ZNF276: variants seen among roughly 807,000 people sequenced by gnomAD.
The protein encoded by ZNF276 is centromere protein Z.
A neutral mutation model predicts 63.9 loss-of-function variants in ZNF276; 59 were observed. The ratio of observed to expected loss-of-function variants is 0.92; its 90% CI spans 0.75 to 1.15. ZNF276 has a LOEUF of 1.15. Among genes scored for constraint, ZNF276 ranks in the 50% most tolerant of loss-of-function variants. The pLI, the probability that ZNF276 is intolerant of heterozygous loss-of-function variation, is 0.00. For synonymous variants in ZNF276, 496 were observed against 348.4 expected (o/e 1.42, Z -4.72); for missense variants, 1,084 against 843.8 (o/e 1.28, Z -3.53).
Position 89,740,772 on chromosome 16 carries a change from G to C in ZNF276, c.*2526G>C, listed in dbSNP as rs1174283529. 6.2e-7 allele frequency: 1 copy of C among 1,602,500 alleles called. No individual in the cohort carries two copies. The highest frequency in any genetic ancestry group is 8.5e-7 in the Non-Finnish European group (1 of 1,170,726). ...TGCCCCTGCCTGGCCCACAGTGGGA[G>C]AGGACACCTTGGCTGGTAAGGTCTG... On this transcript the variant is annotated 3_prime_UTR_variant, in exon 11 of 11. Coordinates refer to ENST00000443381, the MANE Select transcript of ZNF276 (RefSeq NM_001113525.2).
rs199868546 is a variant in ZNF276, at chr16:89,733,948, G to A, written c.1384G>A (p.Val462Ile). The A allele has an allele frequency of 3.7e-6, 6 of 1,613,964 alleles. No individual in the cohort carries two copies. The African/African-American group carries it at 8.0e-5, about 22-fold the overall frequency. ...GCACATCAAGGAGCACCACGAGGAG[G>A]TCCGGGAGCGGCCCTGCCCCCACCC... is the stretch of plus-strand genomic sequence containing the variant. Reference protein sequence around the residue: ...KKHIKEHHEEVRERPCPHPGC... With the variant: ...KKHIKEHHEEIRERPCPHPGC... Residue 462 changes from valine (V) to isoleucine (I), a missense_variant, in exon 9 of 11, where the codon GTC becomes ATC. Val to Ile is a conservative substitution (Grantham distance 29, BLOSUM62 3). Coordinates refer to ENST00000443381, the MANE Select transcript of ZNF276 (RefSeq NM_001113525.2).
chr16:89,720,585 C>T, upstream of ZNF276: 1 of 1,220,282 alleles, frequency 8.2e-7, no homozygotes, highest in South Asian at 3.3e-5. Flanking sequence ...TGTCCAAGGT[C>T]ACTGCACGCC....
At chr16:89,735,776 G>A (rs559436874) in intron 9 of ZNF276, among the ~76,000 whole-genome samples, 27 of 152,052 alleles carry the variant, frequency 1.8e-4, no homozygotes, top group Non-Finnish European at 3.5e-4. Flanking sequence ...GTGCAGTGGC[G>A]CGATCTTGGC....
rs760732305 is a variant in ZNF276 at position 89,738,522 on chromosome 16, A to G, written c.*276A>G. On this transcript the variant is annotated 3_prime_UTR_variant, in exon 11 of 11. Coordinates refer to ENST00000443381, the MANE Select transcript of ZNF276 (RefSeq NM_001113525.2). ...CGAGGAGATTTGTAATCCACTTTTT[A>G]GTGCAACAAGAGCTCCATGTTATGC... is the stretch of plus-strand genomic sequence containing the variant. The G allele has an allele frequency of 1.1e-5, 17 of 1,597,942 alleles. No individual in the cohort carries two copies. The South Asian group carries it at 1.9e-4, about 18-fold the overall frequency.
chr16:89,740,328 T>C lies in ZNF276; in HGVS notation c.*2082T>C. 1 of 565,886 alleles carries C rather than the reference T, an allele frequency of 1.8e-6. No homozygotes were observed. The highest frequency in any genetic ancestry group is 3.2e-6 in the Non-Finnish European group (1 of 316,060). The allele number at this position is 565,886 out of a possible 1,614,324, so 35.1% of individuals were successfully genotyped here. The stretch of plus-strand genomic sequence containing the variant: ...ACACCAAGGCTGCTGCACCACGTCC[T>C]CAAATAAGACATTAAAAGAAAGGCC... On this transcript the variant is annotated 3_prime_UTR_variant, in exon 11 of 11. Transcript: ENST00000443381.
chr16:89,721,613 C>T lies in ZNF276; in HGVS notation c.-28C>T. On this transcript the variant is annotated 5_prime_UTR_variant, in exon 1 of 11. Coordinates refer to ENST00000443381, the MANE Select transcript of ZNF276 (RefSeq NM_001113525.2). ...GGAACCTCGGGCCGGGCAGCACCCG[C>T]GGGATTCTGCTGGCGTCCTCCGCTG... 1 of 1,473,676 alleles carries T rather than the reference C, an allele frequency of 6.8e-7. No homozygotes were observed. The highest frequency in any genetic ancestry group is 8.9e-7 in the Non-Finnish European group (1 of 1,117,792). 91.3% of individuals were successfully genotyped at this position (1,473,676 alleles called of 1,614,324 possible). A position where few individuals can be genotyped will look rare whatever the true frequency, so the allele number is the denominator to read the frequency against.
At position 89,739,092 on chromosome 16, in the gene ZNF276, G is replaced by T. The variant is rs769505201; in HGVS notation, c.*846G>T. The T allele has an allele frequency of 1.1e-5, 17 of 1,613,732 alleles. No homozygotes were observed. In the Admixed American group the frequency reaches 2.0e-4, roughly 19 times the overall value. ...CTTTGGCAGAAGGAGCCTCCGGCTG[G>T]GGGGAGCTCCCCTGGAGGTGGGACT... On this transcript the variant is annotated 3_prime_UTR_variant, in exon 11 of 11. Coordinates refer to ENST00000443381, the MANE Select transcript of ZNF276 (RefSeq NM_001113525.2).
At chr16:89,735,453 G>C (rs901363059) in intron 9 of ZNF276, among the ~76,000 whole-genome samples, 1 of 152,078 alleles carries the variant, frequency 6.6e-6, no homozygotes, top group African/African-American at 2.4e-5. Flanking sequence ...GTCATCTCCC[G>C]ACATGCGGGT....
Position 89,721,761 on chromosome 16 carries a change from A to T in ZNF276, c.121A>T (p.Arg41Trp). Residue 41 changes from arginine to tryptophan, a missense_variant, in exon 1 of 11, where the codon AGG becomes TGG. Arg to Trp is a moderately radical substitution (Grantham distance 101, BLOSUM62 -3). Coordinates refer to ENST00000443381, the MANE Select transcript of ZNF276 (RefSeq NM_001113525.2). ...CCGCCCTTCCCTTAGCGGTGGGCCG[A>T]GGGTGGACGGGGCGACGGCGCGGCG... Reference protein sequence around the residue: ...RGRPSLSGGPRVDGATARRAW... With the variant: ...RGRPSLSGGPWVDGATARRAW... 2.3e-6 allele frequency: 3 copies of T among 1,282,178 alleles called. No homozygotes were observed. The South Asian group carries it at 7.4e-5, about 31-fold the overall frequency. The allele number at this position is 1,282,178 out of a possible 1,614,324, so 79.4% of individuals were successfully genotyped here. A position where few individuals can be genotyped will look rare whatever the true frequency, so the allele number is the denominator to read the frequency against.
chr16:89,731,255 G>A (rs757932476), intron 6 of ZNF276, among the ~76,000 whole-genome samples: 3 of 152,238 alleles, frequency 2.0e-5, no homozygotes, highest in Non-Finnish European at 2.9e-5. Context: ...TTCTCAGTGC[G>A]TTTTTGTCTT....
In ZNF276 at chr16:89,738,403, G is replaced by A; in HGVS notation, c.*157G>A. ...TGTCCGGCTCAAGTAGCCTTCCTCT[G>A]CTCTGGGACCAGTGGTTTATTTTCC... On this transcript the variant is annotated 3_prime_UTR_variant, in exon 11 of 11. Transcript: ENST00000443381. 7.3e-7 allele frequency: 1 copy of A among 1,379,184 alleles called. No individual in the cohort carries two copies. Among genetic ancestry groups the A allele is most frequent in the East Asian group, 2.5e-5 (1 of 40,014 alleles). The allele number at this position is 1,379,184 out of a possible 1,614,324, so 85.4% of individuals were successfully genotyped here.
In ZNF276 at chr16:89,733,184, C is replaced by T. The variant is rs1053422383; in HGVS notation, c.1170-118C>T. The T allele has an allele frequency of 4.2e-6, 4 of 952,286 alleles. No homozygotes were observed. The African/African-American group carries it at 6.6e-5, about 16-fold the overall frequency. The allele number at this position is 952,286 out of a possible 1,614,324, so 59.0% of individuals were successfully genotyped here. ...CTTCAGGTAGATTCTGAGGGTCAGTCAGCACAGAAGCAACTCAGGGAAGCT... is the reference window on the plus strand; with the variant it reads ...CTTCAGGTAGATTCTGAGGGTCAGTTAGCACAGAAGCAACTCAGGGAAGCT... On this transcript the variant is annotated intron_variant, in intron 6 of 10. Transcript: ENST00000443381.
intron 9 of ZNF276, among the ~76,000 whole-genome samples, chr16:89,736,855 A>T (rs1381177308): frequency 6.7e-6 from 1 of 148,790 alleles, no homozygotes; most frequent in Non-Finnish European, 1.5e-5. Context: ...CAGTGAGCTG[A>T]GATTGGGCTG....
chr16:89,730,874 TGGGG>T (rs2061624628), intron 6 of ZNF276, among the ~76,000 whole-genome samples: 1 of 152,162 alleles, frequency 6.6e-6, no homozygotes, highest in Admixed American at 6.5e-5. Context: ...TGTCCTCAGC[TGGGG>T]GCGCATGAGA....
At position 89,739,177 on chromosome 16, in the gene ZNF276, T is replaced by G; in HGVS notation, c.*931T>G. 1.2e-6 allele frequency: 2 copies of G among 1,614,164 alleles called. No homozygotes were observed. The highest frequency in any genetic ancestry group is 1.7e-6 in the Non-Finnish European group (2 of 1,180,046). ...CTCCTGCCAGCTGGAGGTGAAACTG[T>G]GCTTGTATCCCCAGCCACGAAGAGC... On this transcript the variant is annotated 3_prime_UTR_variant, in exon 11 of 11. Transcript: ENST00000443381.
chr16:89,720,637 C>G (rs1011007489), upstream of ZNF276: 5 of 1,226,666 alleles, frequency 4.1e-6, no homozygotes, highest in Non-Finnish European at 5.1e-6. Context: ...AACCGCGGCC[C>G]GGGATCCCGG....
intron 5 of ZNF276, among the ~76,000 whole-genome samples, chr16:89,728,622 T>TCCG: frequency 6.6e-6 from 1 of 152,226 alleles, no homozygotes; most frequent in East Asian, 1.9e-4. Flanking sequence ...CGGGATGGTC[T>TCCG]TGATCTCCTG....
At chr16:89,722,157 G>A (rs996357487) in intron 1 of ZNF276, among the ~76,000 whole-genome samples, 4 of 152,194 alleles carry the variant, frequency 2.6e-5, no homozygotes, top group East Asian at 1.9e-4. Flanking sequence ...CCTGCTTCGT[G>A]CCCTCGCGGA....
intron 9 of ZNF276, 31 bp from the exon 10 acceptor site, chr16:89,737,775 G>A (rs769097470): frequency 3.8e-5 from 62 of 1,613,736 alleles, no homozygotes; most frequent in Non-Finnish European, 4.6e-5. Context: ...GAGCATCAGG[G>A]GCCTGGACTC....
Sources: gnomAD v4.1 joint callset for allele counts (sites outside exome capture counted in the v4.1 genomes callset) on GRCh38, gnomAD v4.1.1 for gene constraint, MANE v1.5 for transcripts, NCBI Gene and HGNC (gene_info 2026-07-23, HGNC 2026-07-21) for gene names.